The following MAGI2 variants were observed in gnomAD, a reference collection of about 807,000 sequenced individuals.
The protein encoded by MAGI2 is membrane-associated guanylate kinase, WW and PDZ domain-containing protein 2.
In MAGI2, 35 loss-of-function variants were observed where a neutral mutation model predicts 133.3. That is an observed-to-expected ratio of 0.26 (90% confidence interval 0.20 to 0.35). The LOEUF is 0.35. Ranked by LOEUF, MAGI2 falls within the 10% of genes least tolerant of loss-of-function variation. The probability of loss-of-function intolerance (pLI) is 1.00; values close to 1 mark genes in which losing one functional copy is unlikely to be tolerated. For missense variants in MAGI2, 1,636 were observed against 1,863.4 expected, an observed-to-expected ratio of 0.88 and a Z score of 2.25; for synonymous variants, 729 against 710.6, an observed-to-expected ratio of 1.03 and a Z score of -0.41.
At chr7:79,196,388 A>G (rs752860677) in intron 1 of MAGI2, among the ~76,000 whole-genome samples, 71 of 152,024 alleles carry the variant, frequency 4.7e-4, no homozygotes, top group Non-Finnish European at 9.6e-4. Context: ...TCTGATTTCA[A>G]TGATTTGAAA....
intron 15 of MAGI2, among the ~76,000 whole-genome samples, chr7:78,161,833 A>C (rs1825050324): frequency 6.6e-6 from 1 of 152,208 alleles, no homozygotes; most frequent in Non-Finnish European, 1.5e-5. Flanking sequence ...TTTTTCTTTA[A>C]GATCTAATTA....
At chr7:79,108,248 T>C (rs1179827999) in intron 1 of MAGI2, among the ~76,000 whole-genome samples, 1 of 152,176 alleles carries the variant, frequency 6.6e-6, no homozygotes, top group African/African-American at 2.4e-5. Context: ...GCTAGTCCTA[T>C]CAAGCTCACA....
At chr7:79,317,826 T>A (rs555474664) in intron 1 of MAGI2, among the ~76,000 whole-genome samples, 1 of 151,808 alleles carries the variant, frequency 6.6e-6, no homozygotes, top group Non-Finnish European at 1.5e-5. Flanking sequence ...CAATGACTCA[T>A]CCTCCTTTGC....
chr7:78,334,032 A>C (rs1789502398), intron 9 of MAGI2, among the ~76,000 whole-genome samples: 1 of 152,190 alleles, frequency 6.6e-6, no homozygotes, highest in Non-Finnish European at 1.5e-5. Context: ...CTCTGGATAT[A>C]GGTTGGTTAT....
At chr7:78,831,117 A>T (rs961978147) in intron 2 of MAGI2, among the ~76,000 whole-genome samples, 4 of 152,170 alleles carry the variant, frequency 2.6e-5, no homozygotes, top group Non-Finnish European at 5.9e-5. Context: ...TTTGGAAGAT[A>T]TCTCATCAAT....
intron 1 of MAGI2, among the ~76,000 whole-genome samples, chr7:79,014,308 T>C (rs530776654): frequency 6.6e-6 from 1 of 152,286 alleles, no homozygotes; most frequent in South Asian, 2.1e-4. Context: ...ATAGTTATGA[T>C]ATTTCCTTCC....
chr7:78,467,986 A>G (rs1790814486), intron 6 of MAGI2, among the ~76,000 whole-genome samples: 1 of 152,172 alleles, frequency 6.6e-6, no homozygotes, highest in African/African-American at 2.4e-5. Flanking sequence ...TATTCTGGGT[A>G]GCAGAGGGAC....
chr7:78,765,772 C>T (rs1192412112), intron 2 of MAGI2, among the ~76,000 whole-genome samples: 1 of 152,070 alleles, frequency 6.6e-6, no homozygotes, highest in Admixed American at 6.5e-5. Flanking sequence ...AGACATTAAT[C>T]AAGTAATAAC....
chr7:79,240,785 C>A (rs2129554961), intron 1 of MAGI2, among the ~76,000 whole-genome samples: 1 of 151,720 alleles, frequency 6.6e-6, no homozygotes, highest in Non-Finnish European at 1.5e-5. Context: ...ATTTCCCTCA[C>A]AACTCTCTTT....
intron 10 of MAGI2, among the ~76,000 whole-genome samples, chr7:78,229,764 C>G (rs976451291): frequency 1.3e-5 from 2 of 152,162 alleles, no homozygotes; most frequent in South Asian, 4.1e-4. Context: ...AGACCTCCAA[C>G]CCAAGTGGGA....
intron 9 of MAGI2, among the ~76,000 whole-genome samples, chr7:78,275,022 T>G (rs1415701916): frequency 6.6e-6 from 1 of 151,220 alleles, no homozygotes; most frequent in Non-Finnish European, 1.5e-5. Context: ...GCTAGTTTGG[T>G]GTCTGGCCAA....
intron 1 of MAGI2, among the ~76,000 whole-genome samples, chr7:79,300,410 A>C (rs1227534475): frequency 6.6e-6 from 1 of 152,202 alleles, no homozygotes; most frequent in Non-Finnish European, 1.5e-5. Flanking sequence ...CATTTTGTTC[A>C]TGACTTAGTG....
chr7:79,251,739 C>A (rs1469975124), intron 1 of MAGI2, among the ~76,000 whole-genome samples: 1 of 152,128 alleles, frequency 6.6e-6, no homozygotes, highest in African/African-American at 2.4e-5. Context: ...GCTAGGTATA[C>A]ACCCAAAGGA....
chr7:78,290,784 C>T (rs1200269530), intron 9 of MAGI2, among the ~76,000 whole-genome samples: 1 of 152,158 alleles, frequency 6.6e-6, no homozygotes, highest in Non-Finnish European at 1.5e-5. Flanking sequence ...GATTAAGAAA[C>T]TCACTCAAAA....
At position 78,955,769 on chromosome 7, in the gene MAGI2, C is replaced by CTTTCTTTCTTTCTTTCTTTCTTTCT. The variant is rs1554310426; in HGVS notation, c.418+51320_418+51321insAGAAAGAAAGAAAGAAAGAAAGAAA. On this transcript the variant is annotated intron_variant, in intron 2 of 21. Coordinates refer to ENST00000354212, the MANE Select transcript of MAGI2 (RefSeq NM_012301.4). ...TCTTTCTTTCTTTCTTTCTTTCTTT[C>CTTTCTTTCTTTCTTTCTTTCTTTCT]TTTCTTTCTTTCTTTCTTTCATTTC... 2.0e-4 allele frequency among the ~76,000 whole-genome samples: 23 copies of CTTTCTTTCTTTCTTTCTTTCTTTCT among 116,818 alleles called. 1 individual carries two copies. The highest frequency in any genetic ancestry group is 9.8e-4 in the East Asian group (4 of 4,086). 76.6% of individuals were successfully genotyped at this position (116,818 alleles called of 152,430 possible).
intron 3 of MAGI2, among the ~76,000 whole-genome samples, chr7:78,574,217 CT>C (rs539833385): frequency 3.2e-4 from 48 of 152,280 alleles, no homozygotes; most frequent in African/African-American, 1.1e-3. Context: ...TTCCAAGATC[CT>C]GTGAAAAGGT....
intron 2 of MAGI2, among the ~76,000 whole-genome samples, chr7:78,858,125 A>G (rs536147376): frequency 2.0e-5 from 3 of 152,106 alleles, no homozygotes; most frequent in Non-Finnish European, 2.9e-5. Flanking sequence ...TATTGCATCT[A>G]TTTGATTCCT....
chr7:78,146,819 T>A (rs1358114038), intron 16 of MAGI2, among the ~76,000 whole-genome samples: 1 of 152,202 alleles, frequency 6.6e-6, no homozygotes, highest in Non-Finnish European at 1.5e-5. Flanking sequence ...ATCTCTGCCA[T>A]CTCCTTTTTC....
chr7:79,029,853 A>T (rs1810389637), intron 1 of MAGI2, among the ~76,000 whole-genome samples: 1 of 152,178 alleles, frequency 6.6e-6, no homozygotes, highest in South Asian at 2.1e-4. Flanking sequence ...CACAACAGAG[A>T]TGTAATGTTT....
Sources: allele counts gnomAD v4.1 joint callset (sites outside exome capture counted in the v4.1 genomes callset), GRCh38; gene constraint gnomAD v4.1.1; transcripts MANE v1.5; gene names NCBI Gene and HGNC (gene_info 2026-07-23, HGNC 2026-07-21).